The following HERC2 variants were observed in gnomAD, a reference collection of about 807,000 sequenced individuals.
The protein encoded by HERC2 is HECT and RLD domain containing E3 ubiquitin protein ligase 2.
A neutral mutation model predicts 537.7 loss-of-function variants in HERC2; 102 were observed. The ratio of observed to expected loss-of-function variants is 0.19; its 90% CI spans 0.16 to 0.22. HERC2 has a LOEUF of 0.22. Ranked by LOEUF, HERC2 falls within the 10% of genes least tolerant of loss-of-function variation. HERC2 has a pLI of 1.00. For missense variants in HERC2, 4,236 were observed against 6,198.2 expected (o/e 0.68, Z 10.63); for synonymous variants, 2,224 against 2,466.2 (o/e 0.90, Z 2.91).
chr15:28,242,883 C>G (rs1268018196), intron 23 of HERC2, among the ~76,000 whole-genome samples: 1 of 152,154 alleles, frequency 6.6e-6, no homozygotes, highest in East Asian at 1.9e-4. Context: ...CACAAAGCAG[C>G]AACAGAAGAA....
At chr15:28,191,872 T>C (rs1213632384) in intron 53 of HERC2, 89 bp downstream of exon 53, 1 of 1,198,324 alleles carries the variant, frequency 8.3e-7, no homozygotes, top group Non-Finnish European at 1.2e-6. Context: ...CAGCAAAACT[T>C]TGCAGGCTGC....
rs1256948361 is a variant in HERC2, at chr15:28,111,053, G to A, written c.*710C>T. ...CTCAGCCTACACTTTTATGTCAGAT[G>A]TTTTATTTATAGATAATTAAAATTT... On this transcript the variant is annotated 3_prime_UTR_variant, in exon 93 of 93. Transcript: ENST00000261609. The A allele has an allele frequency of 1.3e-5, 2 of 152,186 alleles. No individual in the cohort carries two copies. The highest frequency in any genetic ancestry group is 6.5e-5 in the Admixed American group (1 of 15,284). The allele number at this position is 152,186 out of a possible 1,614,324, so 9.4% of individuals were successfully genotyped here.
intron 4 of HERC2, among the ~76,000 whole-genome samples, chr15:28,282,137 A>G (rs1333291650): frequency 6.6e-6 from 1 of 152,176 alleles, no homozygotes; most frequent in African/African-American, 2.4e-5. Flanking sequence ...CTCTAGGCAA[A>G]GTGGGAAGCC....
chr15:28,292,353 G>A (rs1596406750), intron 4 of HERC2, among the ~76,000 whole-genome samples: 1 of 151,992 alleles, frequency 6.6e-6, no homozygotes, highest in Non-Finnish European at 1.5e-5. Context: ...ACAGGGAAAT[G>A]CAAATCAAAA....
intron 52 of HERC2, among the ~76,000 whole-genome samples, chr15:28,194,532 A>G (rs1897167247): frequency 6.6e-6 from 1 of 151,412 alleles, no homozygotes; most frequent in Non-Finnish European, 1.5e-5. Context: ...ATCACGCGCC[A>G]CTGCACTCCA....
chr15:28,229,445 A>G lies in HERC2; in HGVS notation c.5120+15T>C. ...TAGCTACCTTAATTAAGAAAAAAAT[A>G]TGCTAACGTTTTACCCTATATCGAT... On this transcript the variant is annotated intron_variant, in intron 33 of 92. Coordinates refer to ENST00000261609, the MANE Select transcript of HERC2 (RefSeq NM_004667.6). 1 of 1,613,728 alleles carries G rather than the reference A, an allele frequency of 6.2e-7. No individual in the cohort carries two copies. The highest frequency in any genetic ancestry group is 8.5e-7 in the Non-Finnish European group (1 of 1,179,626).
intron 3 of HERC2, among the ~76,000 whole-genome samples, chr15:28,295,825 T>A (rs1331046679): frequency 5.3e-5 from 8 of 152,206 alleles, no homozygotes; most frequent in Admixed American, 3.9e-4. Context: ...GAACGTCCCC[T>A]GCCCGCTGAC....
At chr15:28,303,052 C>T (rs1476742552) in intron 2 of HERC2, among the ~76,000 whole-genome samples, 6 of 151,464 alleles carry the variant, frequency 4.0e-5, no homozygotes, top group Non-Finnish European at 7.4e-5. Context: ...CCTGTGTTTA[C>T]GAAGTATTAC....
intron 79 of HERC2, among the ~76,000 whole-genome samples, chr15:28,134,731 C>G (rs1890446621): frequency 7.4e-6 from 1 of 135,040 alleles, no homozygotes; most frequent in African/African-American, 2.9e-5. Flanking sequence ...GAGATGGAGT[C>G]TCGCTCTGTT....
chr15:28,264,556 C>T (rs1394276848), intron 14 of HERC2, among the ~76,000 whole-genome samples: 5 of 152,122 alleles, frequency 3.3e-5, no homozygotes, highest in African/African-American at 1.2e-4. Context: ...TATAGCAGCA[C>T]AGCAGGGACA....
Position 28,274,390 on chromosome 15 carries a change from G to C in HERC2, c.701C>G (p.Ala234Gly). 6.2e-7 allele frequency: 1 copy of C among 1,614,026 alleles called. No homozygotes were observed. The highest frequency in any genetic ancestry group is 8.5e-7 in the Non-Finnish European group (1 of 1,179,942). Reference sequence around the variant, plus strand: ...GTCAAAGAGCGAGGCCTCGGGAAGTGCTCGCAGGGCGTCCAGGGACTCCTG... The same window carrying C: ...GTCAAAGAGCGAGGCCTCGGGAAGTCCTCGCAGGGCGTCCAGGGACTCCTG... ...LLQESLDALR[A>G]LPEASLFDES... Residue 234 changes from alanine (A) to glycine (G), a missense_variant, in exon 7 of 93, where the codon GCA becomes GGA. Ala to Gly is a moderately conservative substitution (Grantham distance 60). Around this residue, in one of 27 missense-constraint regions of HERC2, gnomAD observed 491 missense variants for 559.3 expected, o/e 0.88. Coordinates refer to ENST00000261609, the MANE Select transcript of HERC2 (RefSeq NM_004667.6).
chr15:28,191,902 T>C (rs762026930), intron 53 of HERC2, 59 bp downstream of exon 53: 3 of 1,474,308 alleles, frequency 2.0e-6, no homozygotes, highest in African/African-American at 1.4e-5. Flanking sequence ...ATTTTGAAAA[T>C]GTACAAGGCA....
chr15:28,124,078 C>G lies in HERC2; in HGVS notation c.13147G>C (p.Gly4383Arg). ...AGAATTCCTCGGAGAGTGTCGAACCCAACAGAAGGCCCGAGTCCAGTTTCG... is the reference window on the plus strand; with the variant it reads ...AGAATTCCTCGGAGAGTGTCGAACCGAACAGAAGGCCCGAGTCCAGTTTCG... ...LDETGLGPSV[G>R]FDTLRGILIS... The change falls in exon 85 of 93, where the codon GGG becomes CGG. Residue 4383 changes from glycine to arginine, a missense_variant. Coordinates refer to ENST00000261609, the MANE Select transcript of HERC2 (RefSeq NM_004667.6). 6.2e-7 allele frequency: 1 copy of G among 1,607,380 alleles called. No individual in the cohort carries two copies. Among genetic ancestry groups the G allele is most frequent in the Non-Finnish European group, 8.5e-7 (1 of 1,176,738 alleles).
At chr15:28,124,343 C>T (rs902051351) in intron 84 of HERC2, 109 bp from the exon 85 acceptor site, 17 of 662,832 alleles carry the variant, frequency 2.6e-5, no homozygotes, top group Non-Finnish European at 3.9e-5. Flanking sequence ...CAGAGAAGCA[C>T]TATGGTGTCT....
chr15:28,199,146 C>CAA (rs879499898), intron 48 of HERC2, among the ~76,000 whole-genome samples: 11 of 134,038 alleles, frequency 8.2e-5, no homozygotes, highest in African/African-American at 3.0e-4. Flanking sequence ...GACCCCATCT[C>CAA]AAAAAAAAAA....
intron 2 of HERC2, among the ~76,000 whole-genome samples, chr15:28,309,481 T>G (rs1008157944): frequency 3.3e-5 from 5 of 152,234 alleles, no homozygotes; most frequent in Admixed American, 6.5e-5. Context: ...ATAACCACTA[T>G]GCTCTTTTGT....
chr15:28,293,135 G>A (rs2076365182), intron 3 of HERC2, 113 bp from the exon 4 acceptor site: 1 of 870,382 alleles, frequency 1.1e-6, no homozygotes, highest in Non-Finnish European at 1.8e-6. Context: ...ACTGAATGTT[G>A]GACAACGTAA....
rs775921612 is a variant in HERC2, at chr15:28,114,840, C to A, written c.13723-38G>T. On this transcript the variant is annotated intron_variant, in intron 89 of 92. Coordinates refer to ENST00000261609, the MANE Select transcript of HERC2 (RefSeq NM_004667.6). Reference sequence around the variant, plus strand: ...AAAAGAAAGCCCATGTGTCGACTCACGGCTCATCTCCATCCCAGACTCCAG... The same window carrying A: ...AAAAGAAAGCCCATGTGTCGACTCAAGGCTCATCTCCATCCCAGACTCCAG... The A allele has an allele frequency of 3.8e-6, 6 of 1,566,532 alleles. No homozygotes were observed. The Admixed American group carries it at 1.0e-4, about 27-fold the overall frequency.
intron 50 of HERC2, among the ~76,000 whole-genome samples, chr15:28,197,658 T>C (rs58424834): frequency 0.13 from 20,503 of 151,924 alleles, 4,599 homozygotes; most frequent in African/African-American, 0.47. Flanking sequence ...AGGCTGAGAC[T>C]GGAGAATTCC....
Sources: allele counts gnomAD v4.1 joint callset (sites outside exome capture counted in the v4.1 genomes callset), GRCh38; gene constraint gnomAD v4.1.1; regional missense constraint gnomAD v4.1.1; transcripts MANE v1.5; gene names NCBI Gene and HGNC (gene_info 2026-07-23, HGNC 2026-07-21).